The following ARL15 variants were observed in gnomAD, a reference collection of about 807,000 sequenced individuals.
The protein encoded by ARL15 is ARF like GTPase 15, also known as ADP-ribosylation factor-like protein 15.
A neutral mutation model predicts 25.2 loss-of-function variants in ARL15; 19 were observed. The observed-to-expected ratio is 0.75, with a 90% confidence interval of 0.53 to 1.10. ARL15 has a LOEUF of 1.10. Ranked by LOEUF, ARL15 falls within the 50% of genes least tolerant of loss-of-function variation. The pLI is 0.00. For synonymous variants in ARL15, 94 were observed against 86.8 expected (o/e 1.08, Z -0.46); for missense variants, 220 against 246.0 (o/e 0.89, Z 0.71).
chr5:54,015,963 T>C (rs759629935), intron 4 of ARL15, among the ~76,000 whole-genome samples: 1 of 152,232 alleles, frequency 6.6e-6, no homozygotes, highest in Admixed American at 6.5e-5. Flanking sequence ...TTATTCACCA[T>C]ACAGCTCCAT....
intron 4 of ARL15, among the ~76,000 whole-genome samples, chr5:54,105,566 T>A (rs1297516274): frequency 6.6e-6 from 1 of 152,182 alleles, no homozygotes; most frequent in Non-Finnish European, 1.5e-5. Flanking sequence ...ATTTTATTAA[T>A]TAAAAGGCTA....
At chr5:53,904,701 T>C (rs575092653) in intron 4 of ARL15, among the ~76,000 whole-genome samples, 1 of 151,728 alleles carries the variant, frequency 6.6e-6, no homozygotes, top group South Asian at 2.1e-4. Flanking sequence ...GTACCATTGG[T>C]ATGTTTAAAT....
chr5:54,208,047 C>A (rs1755920813), intron 1 of ARL15, among the ~76,000 whole-genome samples: 1 of 152,070 alleles, frequency 6.6e-6, no homozygotes, highest in Non-Finnish European at 1.5e-5. Context: ...CCTTGCTTCC[C>A]CCACCACTGA....
chr5:54,008,940 A>C (rs1749138778), intron 4 of ARL15, among the ~76,000 whole-genome samples: 1 of 152,222 alleles, frequency 6.6e-6, no homozygotes. Flanking sequence ...AAACTATTTT[A>C]ATGTAAGATT....
intron 4 of ARL15, among the ~76,000 whole-genome samples, chr5:53,921,910 C>T (rs574819967): frequency 4.6e-5 from 7 of 152,316 alleles, no homozygotes; most frequent in South Asian, 2.1e-4. Context: ...AGATTTCTTT[C>T]CCTTTTAAAA....
chr5:54,071,467 A>AT (rs77676192), intron 4 of ARL15, among the ~76,000 whole-genome samples: 31,122 of 144,192 alleles, frequency 0.22, 5,540 homozygotes, highest in African/African-American at 0.49. Context: ...TCTAAATCAG[A>AT]TTTTTTTTTC....
chr5:54,264,400 T>A (rs573641540), intron 1 of ARL15, among the ~76,000 whole-genome samples: 19 of 152,280 alleles, frequency 1.2e-4, no homozygotes, highest in Non-Finnish European at 2.5e-4. Context: ...AGCTTTAACA[T>A]TGCCCTAGGT....
chr5:53,984,021 C>T (rs1019378752), intron 4 of ARL15, among the ~76,000 whole-genome samples: 3 of 152,224 alleles, frequency 2.0e-5, no homozygotes, highest in African/African-American at 7.2e-5. Flanking sequence ...GGGCTATGTG[C>T]ACAAACTTTT....
chr5:54,012,076 G>A (rs141958309), intron 4 of ARL15, among the ~76,000 whole-genome samples: 3 of 152,114 alleles, frequency 2.0e-5, no homozygotes, highest in African/African-American at 4.8e-5. Context: ...CATTTCTAGC[G>A]ATACCTAACA....
intron 4 of ARL15, among the ~76,000 whole-genome samples, chr5:54,022,622 T>C (rs778660098): frequency 5.9e-5 from 9 of 152,160 alleles, no homozygotes; most frequent in Non-Finnish European, 1.0e-4. Context: ...CAAACCTCTA[T>C]AACCTGTTAC....
intron 4 of ARL15, among the ~76,000 whole-genome samples, chr5:54,058,092 G>A (rs925490713): frequency 1.3e-5 from 2 of 150,540 alleles, no homozygotes; most frequent in Admixed American, 6.7e-5. Flanking sequence ...TGCAACCTCC[G>A]CCTCCGAGGT....
chr5:53,892,501 C>T (rs1333555217), intron 4 of ARL15, among the ~76,000 whole-genome samples: 1 of 152,138 alleles, frequency 6.6e-6, no homozygotes. Context: ...TTTAAATACA[C>T]AGTGTCCATT....
At chr5:54,164,727 T>C (rs1206392380) in intron 2 of ARL15, among the ~76,000 whole-genome samples, 1 of 152,044 alleles carries the variant, frequency 6.6e-6, no homozygotes, top group Admixed American at 6.6e-5. Flanking sequence ...CACCTTTGTA[T>C]ATTTAATCTA....
At chr5:54,029,111 G>A (rs934093792) in intron 4 of ARL15, among the ~76,000 whole-genome samples, 2 of 151,960 alleles carry the variant, frequency 1.3e-5, no homozygotes, top group African/African-American at 4.8e-5. Flanking sequence ...TCTTGAGTCA[G>A]ACTCTCTGGG....
chr5:53,895,562 C>G lies in ARL15; in HGVS notation c.463-8849G>C, dbSNP rs1744844998. Among the ~76,000 whole-genome samples the G allele has an allele frequency of 2.0e-5, 3 of 152,186 alleles. 1 individual carries two copies. The South Asian group carries it at 6.2e-4, about 32-fold the overall frequency. ...GCCCTTGAGGATGGCTTTTGGTGCA[C>G]AGCAATACTAGTTATTGTTACTTTG... On this transcript the variant is annotated intron_variant, in intron 4 of 4. Coordinates refer to ENST00000504924, the MANE Select transcript of ARL15 (RefSeq NM_019087.3).
chr5:54,149,272 G>C (rs758316447), intron 3 of ARL15, among the ~76,000 whole-genome samples: 2 of 152,076 alleles, frequency 1.3e-5, no homozygotes, highest in Non-Finnish European at 2.9e-5. Context: ...ATTAACGCAC[G>C]CACAGTGCCA....
intron 1 of ARL15, among the ~76,000 whole-genome samples, chr5:54,267,170 C>A (rs111926585): frequency 0.033 from 4,955 of 152,266 alleles, 160 homozygotes; most frequent in African/African-American, 0.083. Flanking sequence ...CAGCTCACTG[C>A]AACCTCTGCC....
intron 1 of ARL15, among the ~76,000 whole-genome samples, chr5:54,242,473 C>A (rs1383906932): frequency 6.6e-6 from 1 of 152,154 alleles, no homozygotes; most frequent in Non-Finnish European, 1.5e-5. Context: ...GTCTCATACA[C>A]CCTCCTGGTC....
intron 3 of ARL15, among the ~76,000 whole-genome samples, chr5:54,139,859 A>G (rs1753719238): frequency 1.3e-5 from 2 of 152,136 alleles, no homozygotes; most frequent in South Asian, 2.1e-4. Context: ...AATGACTTTT[A>G]AAAGTATTTT....
Sources: gnomAD v4.1 joint callset for allele counts (sites outside exome capture counted in the v4.1 genomes callset) on GRCh38, gnomAD v4.1.1 for gene constraint, MANE v1.5 for transcripts, NCBI Gene and HGNC (gene_info 2026-07-23, HGNC 2026-07-21) for gene names.